Variants in TAF1B observed in about 807,000 individuals in gnomAD.
TAF1B encodes the protein TATA box-binding protein-associated factor RNA polymerase I subunit B.
TAF1B carries 61 observed loss-of-function variants against 83.9 expected under a neutral mutation model. The observed-to-expected ratio is 0.73, with a 90% CI of 0.59 to 0.90. The LOEUF is 0.90. Among genes scored for constraint, TAF1B ranks in the 40% least tolerant of loss-of-function variants. The pLI is 0.00. For missense variants in TAF1B, 625 were observed against 677.0 expected (o/e 0.92, Z 0.85); for synonymous variants, 221 against 224.6 (o/e 0.98, Z 0.14).
chr2:9,846,054 T>C (rs1369227912), intron 2 of TAF1B: 3 of 470,994 alleles, frequency 6.4e-6, no homozygotes, highest in Non-Finnish European at 1.3e-5. Flanking sequence ...TACCTTTGTA[T>C]AGTACCTTAC....
At chr2:9,863,244 G>A (rs1418785959) in intron 5 of TAF1B, among the ~76,000 whole-genome samples, 17 of 152,180 alleles carry the variant, frequency 1.1e-4, no homozygotes, top group Admixed American at 1.1e-3. Flanking sequence ...GTAAAGGGAT[G>A]GAGGAAGATC....
At chr2:9,859,036 C>T (rs1232240612) in intron 5 of TAF1B, among the ~76,000 whole-genome samples, 3 of 152,156 alleles carry the variant, frequency 2.0e-5, no homozygotes, top group African/African-American at 7.2e-5. Context: ...ATGGGTTTTC[C>T]TTTTTTACCT....
At chr2:9,866,539 G>C (rs569790813) in intron 5 of TAF1B, among the ~76,000 whole-genome samples, 6 of 152,238 alleles carry the variant, frequency 3.9e-5, no homozygotes, top group Non-Finnish European at 7.4e-5. Flanking sequence ...GATTCTTCAG[G>C]GTTCTAGAAC....
At chr2:9,854,304 A>C in intron 4 of TAF1B, 22 bp from the exon 5 acceptor site, 1 of 1,582,346 alleles carries the variant, frequency 6.3e-7, no homozygotes, top group Non-Finnish European at 8.7e-7. Context: ...ATCACCCACC[A>C]CTCATTTCCC....
At chr2:9,931,248 G>A (rs1213130990) in intron 14 of TAF1B, among the ~76,000 whole-genome samples, 2 of 152,196 alleles carry the variant, frequency 1.3e-5, no homozygotes, top group African/African-American at 2.4e-5. Flanking sequence ...AGTTAATGCA[G>A]TTTCTTCCTA....
intron 4 of TAF1B, among the ~76,000 whole-genome samples, chr2:9,852,493 G>A (rs1030347421): frequency 2.8e-5 from 4 of 142,316 alleles, no homozygotes; most frequent in South Asian, 2.3e-4. Context: ...GATATGCTAA[G>A]TGATTTTTTT....
intron 11 of TAF1B, among the ~76,000 whole-genome samples, chr2:9,912,460 G>T (rs1255334817): frequency 6.6e-6 from 1 of 152,150 alleles, no homozygotes; most frequent in Admixed American, 6.5e-5. Flanking sequence ...TCCAGAATAT[G>T]TGCAAAATAA....
Position 9,904,994 on chromosome 2 carries a change from G to C in TAF1B, c.943G>C (p.Val315Leu). 6.2e-7 allele frequency: 1 copy of C among 1,612,150 alleles called. No homozygotes were observed. ...NILCMKYLME[V>L]NLPDEMHSLT... ...ACTGTGTATGAAATACTTGATGGAAGTCAACCTCCCTGGTAAGTGTGTGAC... is the reference window on the plus strand; with the variant it reads ...ACTGTGTATGAAATACTTGATGGAACTCAACCTCCCTGGTAAGTGTGTGAC... The change falls in exon 9 of 15, where the codon GTC (valine) becomes CTC (leucine). Residue 315 changes from valine to leucine, a missense_variant. Val to Leu is a conservative substitution (Grantham distance 32). Transcript: ENST00000263663.
chr2:9,908,922 T>C (rs1665432873), intron 9 of TAF1B, among the ~76,000 whole-genome samples: 1 of 152,192 alleles, frequency 6.6e-6, no homozygotes, highest in Non-Finnish European at 1.5e-5. Flanking sequence ...TGTGTCTGTG[T>C]CTTAAGTACC....
rs183079608 is a variant in TAF1B at position 9,900,932 on chromosome 2, C to T, written c.808-3927C>T. On this transcript the variant is annotated intron_variant, in intron 8 of 14. Transcript: ENST00000263663. ...CCCAATGTTATAAATATGGATGTGC[C>T]CAAATGAGCTGAGAGAAAAGTCCAC... 4.6e-5 allele frequency among the ~76,000 whole-genome samples: 7 copies of T among 152,082 alleles called. No homozygotes were observed. In the East Asian group the frequency reaches 1.2e-3, roughly 25 times the overall value.
intron 6 of TAF1B, among the ~76,000 whole-genome samples, chr2:9,875,339 C>A (rs1331717968): frequency 1.3e-5 from 2 of 152,152 alleles, no homozygotes; most frequent in Non-Finnish European, 2.9e-5. Context: ...TGATTTTATT[C>A]TAGTCCTTTA....
At position 9,919,062 on chromosome 2, in the gene TAF1B, G is replaced by A. The variant is rs779281808; in HGVS notation, c.1293G>A (p.Lys431=). Residue 431 remains lysine (K), a synonymous_variant, in exon 13 of 15, where the codon AAG becomes AAA. Coordinates refer to ENST00000263663, the MANE Select transcript of TAF1B (RefSeq NM_005680.3). ...ACAGGTACCTGTGGAAAAGTGAAAA[G>A]CCACTCTACTACTCATTTGTCGACA... ...ARAKYLWKSE[K]PLYYSFVDKP... is the part of the protein sequence containing the mutation. 6.2e-7 allele frequency: 1 copy of A among 1,614,090 alleles called. No individual in the cohort carries two copies. The highest frequency in any genetic ancestry group is 8.5e-7 in the Non-Finnish European group (1 of 1,180,002).
rs756692362 is a variant in TAF1B at position 9,849,394 on chromosome 2, A to G, written c.139A>G (p.Thr47Ala). The change falls in exon 3 of 15, where the codon ACT becomes GCT. Residue 47 changes from threonine to alanine, a missense_variant. Coordinates refer to ENST00000263663, the MANE Select transcript of TAF1B (RefSeq NM_005680.3). ...VTERYQEVTN[T>A]DLIPNTQIKA... Reference sequence around the variant, plus strand: ...GCAGAGATATCAGGAAGTTACAAACACTGATCTTATTCCTAATACCCAAAT... The same window carrying G: ...GCAGAGATATCAGGAAGTTACAAACGCTGATCTTATTCCTAATACCCAAAT... 7 of 1,600,222 alleles carry G rather than the reference A, an allele frequency of 4.4e-6. No individual in the cohort carries two copies. Among genetic ancestry groups the G allele is most frequent in the Non-Finnish European group, 5.1e-6 (6 of 1,174,148 alleles).
intron 8 of TAF1B, among the ~76,000 whole-genome samples, chr2:9,901,632 C>T (rs897020521): frequency 2.0e-5 from 3 of 151,972 alleles, no homozygotes; most frequent in Non-Finnish European, 4.4e-5. Flanking sequence ...GCATCTCTTA[C>T]CTGCATTATT....
At chr2:9,852,094 T>G (rs1343676582) in intron 4 of TAF1B, 2 of 464,938 alleles carry the variant, frequency 4.3e-6, no homozygotes, top group Non-Finnish European at 8.9e-6. Flanking sequence ...GTCGTTCACC[T>G]GAGTGCATCA....
rs977539155 is a variant in TAF1B at position 9,933,977 on chromosome 2, G to A, written c.1760G>A (p.Arg587Gln). 5.1e-6 allele frequency: 8 copies of A among 1,583,926 alleles called. No homozygotes were observed. The highest frequency in any genetic ancestry group is 1.9e-5 in the Admixed American group (1 of 53,150). Residue 587 changes from arginine to glutamine, a missense_variant, in exon 15 of 15, where the codon CGA becomes CAA. By Grantham distance (43) the Arg-to-Gln change is conservative (BLOSUM62 1). Transcript: ENST00000263663. The stretch of plus-strand genomic sequence containing the variant: ...AAATCAAGATCCAAGAAAGTGAGAC[G>A]ACATTGAGAAAATGAAATAGAAACT... ...RKKSRSKKVR[R>Q]H is the part of the protein sequence containing the mutation.
chr2:9,931,639 T>G (rs1202069258), intron 14 of TAF1B, among the ~76,000 whole-genome samples: 2 of 152,222 alleles, frequency 1.3e-5, no homozygotes, highest in Non-Finnish European at 2.9e-5. Context: ...CTGACAGTTA[T>G]GTGTCTTGGG....
chr2:9,875,048 A>G (rs552442904), intron 6 of TAF1B, among the ~76,000 whole-genome samples: 19 of 151,520 alleles, frequency 1.3e-4, no homozygotes, highest in South Asian at 4.2e-4. Flanking sequence ...GCTCACTGCA[A>G]CCTCCCAGGT....
intron 7 of TAF1B, among the ~76,000 whole-genome samples, chr2:9,881,179 C>T (rs1425851993): frequency 1.3e-5 from 2 of 151,970 alleles, no homozygotes; most frequent in African/African-American, 2.4e-5. Flanking sequence ...ACTAAAAATA[C>T]AAAAATTAGC....
Sources: gnomAD v4.1 joint callset for allele counts (sites outside exome capture counted in the v4.1 genomes callset) on GRCh38, gnomAD v4.1.1 for gene constraint, MANE v1.5 for transcripts, NCBI Gene and HGNC (gene_info 2026-07-23, HGNC 2026-07-21) for gene names.